PDS5A: variants seen among roughly 807,000 people sequenced by gnomAD.
PDS5A encodes the protein sister chromatid cohesion protein PDS5 homolog A.
A neutral mutation model predicts 167.1 loss-of-function variants in PDS5A; 42 were observed. That is an observed-to-expected ratio of 0.25 (90% CI 0.20 to 0.33). The LOEUF (loss-of-function observed/expected upper bound fraction) is 0.33, where lower values mean the gene tolerates loss of function less well. Among genes scored for constraint, PDS5A ranks in the 10% least tolerant of loss-of-function variants. The pLI is 1.00. For missense variants in PDS5A, 1,033 were observed against 1,605.9 expected (o/e 0.64, Z 6.10); for synonymous variants, 553 against 554.6 (o/e 1.00, Z 0.04).
At chr4:39,877,220 C>T in intron 18 of PDS5A, 67 bp from the exon 19 acceptor site, 2 of 1,006,702 alleles carry the variant, frequency 2.0e-6, no homozygotes, top group Non-Finnish European at 2.8e-6. Context: ...AGAATTACTT[C>T]CCGCAAAAGA....
In PDS5A at chr4:39,902,421, G is replaced by C. The variant is rs376993510; in HGVS notation, c.1425C>G (p.Pro475=). 5 of 1,592,224 alleles carry C rather than the reference G, an allele frequency of 3.1e-6. No homozygotes were observed. Among genetic ancestry groups the C allele is most frequent in the Non-Finnish European group, 4.3e-6 (5 of 1,164,748 alleles). The part of the protein sequence containing the change: ...VEKIFAQYLV[P]HNLETEERMK... ...TTCTCTCTTCTGTTTCCAGGTTGTG[G>C]GGGACAAGATACTGAGCAAAGATTT... is the stretch of plus-strand genomic sequence containing the variant. Residue 475 remains proline (P), a synonymous_variant, in exon 13 of 33, where the codon CCC becomes CCG. Transcript: ENST00000303538.
At chr4:39,895,397 A>G (rs1185523970) in intron 16 of PDS5A, among the ~76,000 whole-genome samples, 2 of 152,152 alleles carry the variant, frequency 1.3e-5, no homozygotes, top group Non-Finnish European at 2.9e-5. Context: ...TTATCTAAAC[A>G]CAGGGTAAAA....
intron 2 of PDS5A, chr4:39,974,212 A>G: frequency 1.7e-6 from 1 of 571,914 alleles, no homozygotes; most frequent in Non-Finnish European, 3.5e-6. Flanking sequence ...AGGGTGCCAG[A>G]CCTCATCCAT....
chr4:39,920,471 T>C, intron 6 of PDS5A, 72 bp from the exon 7 acceptor site: 2 of 677,056 alleles, frequency 3.0e-6, no homozygotes, highest in East Asian at 2.8e-5. Flanking sequence ...TAGAATACTG[T>C]AGTCTTCAAA....
chr4:39,954,670 TAA>T (rs777287409), intron 2 of PDS5A, among the ~76,000 whole-genome samples: 157 of 48,282 alleles, frequency 3.3e-3, no homozygotes, highest in South Asian at 0.015. Flanking sequence ...AAGAGATAAG[TAA>T]AAAAAAAAAA....
intron 21 of PDS5A, among the ~76,000 whole-genome samples, chr4:39,870,002 G>A (rs559517485): frequency 2.9e-4 from 44 of 151,978 alleles, no homozygotes; most frequent in Middle Eastern, 3.4e-3. Flanking sequence ...TCAGCTACTC[G>A]GGAGGCTGAG....
chr4:39,836,603 G>A (rs1404510507), intron 32 of PDS5A, among the ~76,000 whole-genome samples: 1 of 140,484 alleles, frequency 7.1e-6, no homozygotes. Flanking sequence ...ACCACACCCG[G>A]GATTTTTTTC....
intron 29 of PDS5A, 114 bp downstream of exon 29, chr4:39,845,704 A>G: frequency 1.8e-6 from 2 of 1,119,530 alleles, no homozygotes; most frequent in Non-Finnish European, 2.3e-6. Context: ...CCATAATGTG[A>G]TCCCTAAGAA....
intron 7 of PDS5A, 27 bp from the exon 8 acceptor site, chr4:39,917,215 A>C (rs1179661372): frequency 8.8e-6 from 13 of 1,475,432 alleles, no homozygotes; most frequent in Non-Finnish European, 1.2e-5. Context: ...AAACAAAAAG[A>C]AAACATCCAG....
intron 32 of PDS5A, among the ~76,000 whole-genome samples, chr4:39,827,158 C>T (rs1022338248): frequency 3.9e-5 from 6 of 152,008 alleles, no homozygotes; most frequent in Non-Finnish European, 7.4e-5. Context: ...CGCCCCCACG[C>T]GCAGCTAATT....
At chr4:39,915,485 G>A (rs1724290504) in intron 8 of PDS5A, among the ~76,000 whole-genome samples, 1 of 151,072 alleles carries the variant, frequency 6.6e-6, no homozygotes, top group African/African-American at 2.4e-5. Context: ...TCAGCCTCCT[G>A]AGTAGCTGGG....
At chr4:39,909,122 TTTTTA>T (rs1212015429) in intron 10 of PDS5A, among the ~76,000 whole-genome samples, 1 of 137,452 alleles carries the variant, frequency 7.3e-6, no homozygotes, top group African/African-American at 2.5e-5. Context: ...TTTTTTTTAA[TTTTTA>T]TTTTTTGTTG....
intron 2 of PDS5A, among the ~76,000 whole-genome samples, chr4:39,948,555 C>A (rs908460978): frequency 2.7e-5 from 4 of 150,822 alleles, no homozygotes; most frequent in Non-Finnish European, 4.4e-5. Context: ...GAACTGCTGA[C>A]CTCATGATCC....
rs772892477 is a variant in PDS5A, at chr4:39,926,876, AAC to A, written c.343-17_343-16del. 2.1e-6 allele frequency: 3 copies of A among 1,404,218 alleles called. No homozygotes were observed. Among genetic ancestry groups the A allele is most frequent in the Non-Finnish European group, 2.8e-6 (3 of 1,067,078 alleles). The allele number at this position is 1,404,218 out of a possible 1,614,324, so 87.0% of individuals were successfully genotyped here. A position where few individuals can be genotyped will look rare whatever the true frequency, so the allele number is the denominator to read the frequency against. Reference sequence around the variant, plus strand: ...AAAAATATGTCCTGTTAAAAAAAAAAACACATTAATTTAGACACAAATACTTT... The same window carrying A: ...AAAAATATGTCCTGTTAAAAAAAAAAACATTAATTTAGACACAAATACTTT... On this transcript the variant is annotated splice_polypyrimidine_tract_variant and intron_variant, in intron 3 of 32. Transcript: ENST00000303538.
Position 39,930,262 on chromosome 4 carries a change from GT to G in PDS5A, c.139-2099del, listed in dbSNP as rs1194110821. Among the ~76,000 whole-genome samples the G allele has an allele frequency of 8.7e-3, 653 of 74,934 alleles. 12 individuals are homozygous for G. Among genetic ancestry groups the G allele is most frequent in the African/African-American group, 0.025 (570 of 22,718 alleles). The allele number at this position is 74,934 out of a possible 152,430, so 49.2% of individuals were successfully genotyped here. A position where few individuals can be genotyped will look rare whatever the true frequency, so the allele number is the denominator to read the frequency against. On this transcript the variant is annotated intron_variant, in intron 2 of 32. Coordinates refer to ENST00000303538, the MANE Select transcript of PDS5A (RefSeq NM_001100399.2). ...AAAAAAAAAAGTTTTTTTGTTTTTT[GT>G]TTTTTTTTTTTAAGAGACAGGGTTT...
intron 9 of PDS5A, 32 bp from the exon 10 acceptor site, chr4:39,910,370 G>T: frequency 2.8e-6 from 3 of 1,078,518 alleles, no homozygotes; most frequent in South Asian, 2.7e-5. Context: ...AACATTAATT[G>T]TAAGGCAAAA....
chr4:39,929,828 C>G (rs13117772), intron 2 of PDS5A, among the ~76,000 whole-genome samples: 6 of 150,120 alleles, frequency 4.0e-5, no homozygotes, highest in Non-Finnish European at 8.9e-5. Flanking sequence ...TCATTGCAAC[C>G]TATGCCTCCC....
chr4:39,839,760 G>T (rs944902254), intron 31 of PDS5A, among the ~76,000 whole-genome samples: 2 of 147,678 alleles, frequency 1.4e-5, no homozygotes, highest in African/African-American at 2.5e-5. Context: ...ATTCTGGGGG[G>T]GGGGGGCAGG....
intron 4 of PDS5A, among the ~76,000 whole-genome samples, chr4:39,926,351 T>C (rs1725464268): frequency 6.6e-6 from 1 of 151,990 alleles, no homozygotes; most frequent in African/African-American, 2.4e-5. Context: ...AAACCCCGTC[T>C]CTACTAAAAA....
Sources: allele counts gnomAD v4.1 joint callset (sites outside exome capture counted in the v4.1 genomes callset), GRCh38; gene constraint gnomAD v4.1.1; transcripts MANE v1.5; gene names NCBI Gene and HGNC (gene_info 2026-07-23, HGNC 2026-07-21).